SSPN: variants seen among roughly 807,000 people sequenced by gnomAD.
The protein encoded by SSPN is sarcospan.
A neutral mutation model predicts 19.1 loss-of-function variants in SSPN; 15 were observed. That is an observed-to-expected ratio of 0.78 (90% confidence interval 0.52 to 1.21). The LOEUF (loss-of-function observed/expected upper bound fraction) is 1.21. SSPN is among the 50% of genes most tolerant of loss of function. The pLI is 0.00. For synonymous variants in SSPN, 147 were observed against 140.3 expected, an observed-to-expected ratio of 1.05 and a Z score of -0.34; for missense variants, 291 against 314.0, an observed-to-expected ratio of 0.93 and a Z score of 0.55.
intron 1 of SSPN, among the ~76,000 whole-genome samples, chr12:26,141,657 C>T (rs1944461145): frequency 1.3e-5 from 2 of 152,198 alleles, no homozygotes; most frequent in African/African-American, 4.8e-5. Context: ...TGAATAGCTT[C>T]TGTGAGAATA....
At chr12:26,194,489 G>A (rs1051674534), upstream of SSPN, among the ~76,000 whole-genome samples, 17 of 152,140 alleles carry the variant, frequency 1.1e-4, no homozygotes, top group Admixed American at 3.3e-4. Flanking sequence ...AGGTTCAAGC[G>A]ATTCTCCTGC....
intron 1 of SSPN, among the ~76,000 whole-genome samples, chr12:26,204,201 G>A (rs936691402): frequency 1.3e-5 from 2 of 152,112 alleles, no homozygotes; most frequent in Non-Finnish European, 2.9e-5. Flanking sequence ...GAGTGTTTCC[G>A]AGGGGTATTC....
chr12:26,125,477 A>T (rs1944356167), intron 1 of SSPN: 1 of 156,124 alleles, frequency 6.4e-6, no homozygotes, highest in African/African-American at 2.4e-5. Flanking sequence ...TTGAGTCCCA[A>T]AGGAAATTTT....
At chr12:26,199,568 G>T (rs957439750) in intron 1 of SSPN, among the ~76,000 whole-genome samples, 1 of 152,214 alleles carries the variant, frequency 6.6e-6, no homozygotes, top group African/African-American at 2.4e-5. Context: ...ACAGAGAAGT[G>T]TGTTCTGCAT....
At chr12:26,197,342 A>T (rs560549751) in intron 1 of SSPN, among the ~76,000 whole-genome samples, 3 of 152,338 alleles carry the variant, frequency 2.0e-5, no homozygotes, top group Non-Finnish European at 2.9e-5. Context: ...ATTCCCATGA[A>T]ATTACCATGA....
chr12:26,168,214 GA>G (rs60365188), intron 1 of SSPN, among the ~76,000 whole-genome samples: 97,310 of 117,550 alleles, frequency 0.83, 39,390 homozygotes, highest in East Asian at 0.96. Flanking sequence ...CCCTGTCTCA[GA>G]AAAAAAAAAA....
chr12:26,176,808 A>G (rs1235156145), intron 1 of SSPN, among the ~76,000 whole-genome samples: 1 of 152,140 alleles, frequency 6.6e-6, no homozygotes, highest in African/African-American at 2.4e-5. Context: ...CCCCATTTCA[A>G]GCCATCATCG....
At chr12:26,198,303 A>T (rs903410014) in intron 1 of SSPN, among the ~76,000 whole-genome samples, 37 of 152,304 alleles carry the variant, frequency 2.4e-4, no homozygotes, top group African/African-American at 8.4e-4. Context: ...AGCTGGAATT[A>T]CAGGCGTGCA....
intron 1 of SSPN, chr12:26,122,402 G>A (rs1410171139): frequency 2.3e-5 from 30 of 1,289,930 alleles, no homozygotes; most frequent in Middle Eastern, 5.1e-4. Context: ...ACTTCTCCAG[G>A]CCGCTCTTGT....
chr12:26,126,747 C>G (rs1284051564), intron 1 of SSPN: 1 of 152,434 alleles, frequency 6.6e-6, no homozygotes, highest in Non-Finnish European at 1.5e-5. Context: ...CCAGGATCAC[C>G]CCGGCGTGAG....
chr12:26,166,768 A>G (rs1317870722), intron 1 of SSPN, among the ~76,000 whole-genome samples: 1 of 152,230 alleles, frequency 6.6e-6, no homozygotes, highest in Non-Finnish European at 1.5e-5. Flanking sequence ...GAGACCATAT[A>G]GCCTGCAAAG....
intron 1 of SSPN, among the ~76,000 whole-genome samples, chr12:26,140,101 A>T (rs1384362061): frequency 6.6e-6 from 1 of 152,218 alleles, no homozygotes; most frequent in Non-Finnish European, 1.5e-5. Flanking sequence ...AGTCTCATAA[A>T]TTCAACTTCC....
intron 1 of SSPN, among the ~76,000 whole-genome samples, chr12:26,141,265 GTGT>G (rs1423630023): frequency 6.6e-6 from 1 of 152,194 alleles, no homozygotes; most frequent in Admixed American, 6.5e-5. Context: ...CAGCACTACT[GTGT>G]TTGGGGATGG....
chr12:26,205,433 G>A (rs530841991), intron 1 of SSPN, among the ~76,000 whole-genome samples: 1 of 152,232 alleles, frequency 6.6e-6, no homozygotes, highest in East Asian at 1.9e-4. Context: ...ATTACTAAGT[G>A]GGGGAAAAAA....
intron 1 of SSPN, among the ~76,000 whole-genome samples, chr12:26,204,078 A>G (rs1200649437): frequency 6.6e-6 from 1 of 152,196 alleles, no homozygotes; most frequent in Non-Finnish European, 1.5e-5. Context: ...AATTCAGTCC[A>G]TAGCATTTCC....
chr12:26,194,489 G>T (rs1051674534), upstream of SSPN, among the ~76,000 whole-genome samples: 1 of 152,258 alleles, frequency 6.6e-6, no homozygotes, highest in Admixed American at 6.5e-5. Context: ...AGGTTCAAGC[G>T]ATTCTCCTGC....
At position 26,195,695 on chromosome 12, in the gene SSPN, G is replaced by T. The variant is rs1400692949; in HGVS notation, c.23G>T (p.Arg8Leu). Residue 8 changes from arginine to leucine, a missense_variant, in exon 1 of 3, where the codon CGC becomes CTC. Around this residue, in one of 3 missense-constraint regions of SSPN, gnomAD observed 139 missense variants for 119.6 expected, o/e 1.16. Coordinates refer to ENST00000242729, the MANE Select transcript of SSPN (RefSeq NM_005086.5). The stretch of plus-strand genomic sequence containing the variant: ...GCCATGGGCAAGAACAAGCAGCCAC[G>T]CGGCCAGCAGAGGCAGGGGGGCCCG... MGKNKQP[R>L]GQQRQGGPPA... 4 of 1,104,508 alleles carry T rather than the reference G, an allele frequency of 3.6e-6. No homozygotes were observed. The highest frequency in any genetic ancestry group is 4.4e-6 in the Non-Finnish European group (4 of 909,436). 68.4% of individuals were successfully genotyped at this position (1,104,508 alleles called of 1,614,324 possible).
intron 1 of SSPN, among the ~76,000 whole-genome samples, chr12:26,223,749 A>G (rs1047351875): frequency 6.6e-6 from 1 of 152,234 alleles, no homozygotes; most frequent in African/African-American, 2.4e-5. Flanking sequence ...ATATAAAACA[A>G]TTACAGGAGG....
intron 1 of SSPN, among the ~76,000 whole-genome samples, chr12:26,148,366 G>T (rs1337929477): frequency 6.6e-6 from 1 of 152,240 alleles, no homozygotes; most frequent in African/African-American, 2.4e-5. Flanking sequence ...CACCGATGGG[G>T]AGGAGATCTT....
Sources: gnomAD v4.1 joint callset for allele counts (sites outside exome capture counted in the v4.1 genomes callset) on GRCh38, gnomAD v4.1.1 for gene constraint, gnomAD v4.1.1 regional missense constraint, MANE v1.5 for transcripts, NCBI Gene and HGNC (gene_info 2026-07-23, HGNC 2026-07-21) for gene names.